BOK: variants seen among roughly 807,000 people sequenced by gnomAD.
BOK encodes the protein bcl-2-related ovarian killer protein.
A neutral mutation model predicts 18.3 loss-of-function variants in BOK; 20 were observed. The ratio of observed to expected loss-of-function variants is 1.09; its 90% confidence interval spans 0.77 to 1.59. The LOEUF (loss-of-function observed/expected upper bound fraction) is 1.59, where lower values mean the gene tolerates loss of function less well. BOK is among the 40% of genes most tolerant of loss of function. The pLI is 0.00. For missense variants in BOK, 348 were observed against 307.9 expected, an observed-to-expected ratio of 1.13 and a Z score of -0.97; for synonymous variants, 173 against 142.4, an observed-to-expected ratio of 1.21 and a Z score of -1.53.
Position 241,561,971 on chromosome 2 carries a change from G to A in BOK, c.221-377G>A, listed in dbSNP as rs529766873. ...CCCCTCCCCACGTCGGGGTCTGGCC[G>A]TCTGCCTGGTCCCTCCTGCTCTGGG... On this transcript the variant is annotated intron_variant, in intron 2 of 4. Transcript: ENST00000318407. Among the ~76,000 whole-genome samples, 26 of 152,332 alleles carry A rather than the reference G, an allele frequency of 1.7e-4. No homozygotes were observed. In the East Asian group the frequency reaches 3.5e-3, roughly 20 times the overall value.
In BOK at chr2:241,572,071, T is replaced by C. The variant is rs543725962; in HGVS notation, c.514-226T>C. 2.2e-4 allele frequency among the ~76,000 whole-genome samples: 34 copies of C among 152,326 alleles called. No homozygotes were observed. In the South Asian group the frequency reaches 6.6e-3, roughly 30 times the overall value. On this transcript the variant is annotated intron_variant, in intron 4 of 4. Transcript: ENST00000318407. ...TGCCTGGCTGCCATCTGTCCCCACCTCCCGTGCCTCCTGGCCCTTCACACT... is the reference window on the plus strand; with the variant it reads ...TGCCTGGCTGCCATCTGTCCCCACCCCCCGTGCCTCCTGGCCCTTCACACT...
At chr2:241,555,746 C>T (rs1324907304), upstream of BOK, among the ~76,000 whole-genome samples, 1 of 152,178 alleles carries the variant, frequency 6.6e-6, no homozygotes, top group Non-Finnish European at 1.5e-5. Context: ...CACAGCTTTA[C>T]CTGGTTTCTG....
chr2:241,562,352 T>TGAGCTGGAGATGATCCGGCCCA lies in BOK; in HGVS notation c.227_248dup (p.Ser83ArgfsTer24). 17 of 1,601,456 alleles carry TGAGCTGGAGATGATCCGGCCCA rather than the reference T, an allele frequency of 1.1e-5. No homozygotes were observed. Among genetic ancestry groups the TGAGCTGGAGATGATCCGGCCCA allele is most frequent in the Non-Finnish European group, 1.4e-5 (17 of 1,174,614 alleles). Reference sequence around the variant, plus strand: ...CCTGCTCTTGTGACCACACAGGCGATGAGCTGGAGATGATCCGGCCCAGCG... The same window carrying TGAGCTGGAGATGATCCGGCCCA: ...CCTGCTCTTGTGACCACACAGGCGATGAGCTGGAGATGATCCGGCCCAGAGCTGGAGATGATCCGGCCCAGCG... On this transcript the variant is annotated frameshift_variant, in exon 3 of 5. Transcript: ENST00000318407. LOFTEE classifies it high-confidence loss of function. The surrounding 1 kb of genome is among the most constrained non-coding windows in gnomAD (Gnocchi z 4.5).
intron 2 of BOK, among the ~76,000 whole-genome samples, chr2:241,560,700 G>A (rs2066515189): frequency 6.6e-6 from 1 of 152,198 alleles, no homozygotes; most frequent in Non-Finnish European, 1.5e-5. Flanking sequence ...AGGTCTCTGG[G>A]TGGGAGCTAG....
chr2:241,572,526 TCTAACCCTCGGAGACCCC>T lies in BOK; in HGVS notation c.*109_*126del. ...TCCTCCCCACCCGAGCCTGGAGCAC[TCTAACCCTCGGAGACCCC>T]CTAAGCCCCGTTCCTCCGCAGACCC... On this transcript the variant is annotated 3_prime_UTR_variant, in exon 5 of 5. Transcript: ENST00000318407. 1 of 1,478,004 alleles carries T rather than the reference TCTAACCCTCGGAGACCCC, an allele frequency of 6.8e-7. No individual in the cohort carries two copies. 91.6% of individuals were successfully genotyped at this position (1,478,004 alleles called of 1,614,324 possible).
intron 3 of BOK, among the ~76,000 whole-genome samples, chr2:241,569,083 C>T (rs947450175): frequency 3.3e-5 from 5 of 152,316 alleles, no homozygotes; most frequent in African/African-American, 1.2e-4. Context: ...CCAAGGTTTA[C>T]AAGGCTGTGC....
intron 4 of BOK, 43 bp from the exon 5 acceptor site, chr2:241,572,253 CG>C: frequency 1.3e-6 from 2 of 1,595,892 alleles, no homozygotes; most frequent in East Asian, 4.5e-5. Context: ...GGGGGCCTGG[CG>C]GTGCTGGCTC....
At chr2:241,569,914 G>A (rs1466596234) in intron 3 of BOK, among the ~76,000 whole-genome samples, 1 of 152,176 alleles carries the variant, frequency 6.6e-6, no homozygotes, top group Non-Finnish European at 1.5e-5. Context: ...ACAGACGTGG[G>A]CTGGGCAGGT....
At chr2:241,561,102 C>T (rs2066520399) in intron 2 of BOK, among the ~76,000 whole-genome samples, 1 of 151,950 alleles carries the variant, frequency 6.6e-6, no homozygotes, top group South Asian at 2.1e-4. Context: ...CTCATGGGCT[C>T]TGCTCTGCTT....
In BOK at chr2:241,567,064, G is replaced by A. The variant is rs549490123; in HGVS notation, c.350-3061G>A. On this transcript the variant is annotated intron_variant, in intron 3 of 4. Transcript: ENST00000318407. The stretch of plus-strand genomic sequence containing the variant: ...AGTGGACGCCGAGGCTGGTGCCTCC[G>A]GACTCCTGTCTTCCTGTCTTTCTTT... Among the ~76,000 whole-genome samples the A allele has an allele frequency of 7.5e-5, 10 of 133,892 alleles. 3 individuals are homozygous for A. The highest frequency in any genetic ancestry group is 2.6e-4 in the South Asian group (1 of 3,906). The allele number at this position is 133,892 out of a possible 152,430, so 87.8% of individuals were successfully genotyped here.
intron 1 of BOK, among the ~76,000 whole-genome samples, chr2:241,552,166 G>A (rs1470901354): frequency 6.6e-6 from 1 of 152,128 alleles, no homozygotes; most frequent in Non-Finnish European, 1.5e-5. Context: ...AAAGGAGAAC[G>A]AGAGGTGTGG....
chr2:241,565,126 TCA>T (rs1261630224), intron 3 of BOK, among the ~76,000 whole-genome samples: 1 of 152,084 alleles, frequency 6.6e-6, no homozygotes, highest in Non-Finnish European at 1.5e-5. Flanking sequence ...TGTGTAGAGT[TCA>T]GTTTAAGTCT....
chr2:241,552,580 G>A (rs181179090), intron 1 of BOK, among the ~76,000 whole-genome samples: 250 of 152,312 alleles, frequency 1.6e-3, no homozygotes, highest in Non-Finnish European at 2.7e-3. Flanking sequence ...TGCCGCCGCT[G>A]CTGAACCCTC....
chr2:241,558,123 G>A (rs1452602024), upstream of BOK, among the ~76,000 whole-genome samples: 2 of 147,792 alleles, frequency 1.4e-5, no homozygotes, highest in Non-Finnish European at 3.0e-5. Flanking sequence ...CCTCCAATTC[G>A]GTGGAAAAAA....
Position 241,573,781 on chromosome 2 carries a change from T to A in BOK, c.*1359T>A, listed in dbSNP as rs889755640. 6.6e-6 allele frequency: 1 copy of A among 152,330 alleles called. No individual in the cohort carries two copies. Among genetic ancestry groups the A allele is most frequent in the African/African-American group, 2.4e-5 (1 of 41,464 alleles). 9.4% of individuals were successfully genotyped at this position (152,330 alleles called of 1,614,324 possible). A position where few individuals can be genotyped will look rare whatever the true frequency, so the allele number is the denominator to read the frequency against. ...TATTAGGGCTCCGTAAGAACTCAGA[T>A]GCCTGGGAAGCCCAGCCCCTCAGGT... On this transcript the variant is annotated 3_prime_UTR_variant, in exon 5 of 5. Coordinates refer to ENST00000318407, the MANE Select transcript of BOK (RefSeq NM_032515.5).
intron 1 of BOK, among the ~76,000 whole-genome samples, chr2:241,553,489 G>C (rs1210372366): frequency 6.6e-6 from 1 of 152,110 alleles, no homozygotes; most frequent in Non-Finnish European, 1.5e-5. Context: ...GATTTAATTG[G>C]CTCACGGTTC....
chr2:241,552,311 G>A (rs906060515), intron 1 of BOK, among the ~76,000 whole-genome samples: 1 of 151,928 alleles, frequency 6.6e-6, no homozygotes, highest in African/African-American at 2.4e-5. Flanking sequence ...TCAGAGCGCT[G>A]CAGCCTGTCT....
rs746767836 is a variant in BOK at position 241,559,595 on chromosome 2, T to A, written c.112T>A (p.Tyr38Asn). The change falls in exon 2 of 5, where the codon TAC becomes AAC. Residue 38 changes from tyrosine to asparagine, a missense_variant. Coordinates refer to ENST00000318407, the MANE Select transcript of BOK (RefSeq NM_032515.5). ...CCAGGCCAAGGCGCTGGGCCGGGAGTACGTGCACGCGCGGCTGCTGCGCGC... is the reference window on the plus strand; with the variant it reads ...CCAGGCCAAGGCGCTGGGCCGGGAGAACGTGCACGCGCGGCTGCTGCGCGC... ...VAQAKALGRE[Y>N]VHARLLRAGL... The A allele has an allele frequency of 2.1e-5, 32 of 1,498,674 alleles. No homozygotes were observed. Among genetic ancestry groups the A allele is most frequent in the Non-Finnish European group, 2.7e-5 (31 of 1,131,842 alleles). 92.8% of individuals were successfully genotyped at this position (1,498,674 alleles called of 1,614,324 possible).
intron 2 of BOK, among the ~76,000 whole-genome samples, chr2:241,561,135 C>A (rs1553472): frequency 0.53 from 80,959 of 151,984 alleles, 22,146 homozygotes; most frequent in African/African-American, 0.65. Context: ...TAATGAGATA[C>A]AGAGCAGCCT....
Sources: gnomAD v4.1 joint callset for allele counts (sites outside exome capture counted in the v4.1 genomes callset) on GRCh38, gnomAD v4.1.1 for gene constraint, Gnocchi (gnomAD v3.1) non-coding constraint, MANE v1.5 for transcripts, NCBI Gene and HGNC (gene_info 2026-07-23, HGNC 2026-07-21) for gene names.